The following TMEM130 variants were observed in gnomAD, a reference collection of about 807,000 sequenced individuals.
TMEM130 encodes the protein transmembrane protein 130.
In TMEM130, 37 loss-of-function variants were observed where a neutral mutation model predicts 42.9. That is an observed-to-expected ratio of 0.86 (90% CI 0.66 to 1.13). TMEM130 has a LOEUF of 1.13. TMEM130 is among the 50% of genes most tolerant of loss of function. The probability of loss-of-function intolerance (pLI) is 0.00; values close to 1 mark genes in which losing one functional copy is unlikely to be tolerated. For missense variants in TMEM130, 545 were observed against 562.6 expected, an observed-to-expected ratio of 0.97 and a Z score of 0.32; for synonymous variants, 259 against 237.7, an observed-to-expected ratio of 1.09 and a Z score of -0.82.
intron 1 of TMEM130, among the ~76,000 whole-genome samples, chr7:98,867,773 G>T (rs1356737815): frequency 6.6e-6 from 1 of 152,164 alleles, no homozygotes; most frequent in African/African-American, 2.4e-5. Flanking sequence ...TTCTCAGTCT[G>T]TTTTTTCAAA....
chr7:98,850,288 T>TA (rs782298116), intron 6 of TMEM130, among the ~76,000 whole-genome samples: 3 of 112,490 alleles, frequency 2.7e-5, no homozygotes, highest in Non-Finnish European at 3.9e-5. Flanking sequence ...TTTTTTTTTT[T>TA]AATTTTTTGA....
intron 1 of TMEM130, among the ~76,000 whole-genome samples, chr7:98,864,135 G>A (rs540184746): frequency 5.1e-4 from 77 of 152,060 alleles, no homozygotes; most frequent in African/African-American, 1.8e-3. Context: ...CCTGCCAGCC[G>A]GGCAGGGCCT....
chr7:98,869,796 G>T lies in TMEM130; in HGVS notation c.66C>A (p.Ala22=). The T allele has an allele frequency of 2.8e-6, 4 of 1,430,646 alleles. No individual in the cohort carries two copies. Among genetic ancestry groups the T allele is most frequent in the Non-Finnish European group, 3.7e-6 (4 of 1,092,856 alleles). The allele number at this position is 1,430,646 out of a possible 1,614,324, so 88.6% of individuals were successfully genotyped here. ...ILWLACLLPW[A]PAGVAAGLYE... is the part of the protein sequence containing the mutation. ...CCTTACCTGCGGCCACCCCTGCCGG[G>T]GCCCAGGGCAGGAGGCAGGCAAGCC... is the stretch of plus-strand genomic sequence containing the variant. Residue 22 remains alanine, a synonymous_variant, in exon 1 of 8, where the codon GCC becomes GCA. Transcript: ENST00000339375. The surrounding 1 kb of genome is among the most constrained non-coding windows in gnomAD (Gnocchi z 4.7).
Position 98,869,539 on chromosome 7 carries a change from G to T in TMEM130, c.85+238C>A, listed in dbSNP as rs929962973. Among the ~76,000 whole-genome samples the T allele has an allele frequency of 6.6e-6, 1 of 152,250 alleles. No homozygotes were observed. Among genetic ancestry groups the T allele is most frequent in the Non-Finnish European group, 1.5e-5 (1 of 68,042 alleles). On this transcript the variant is annotated intron_variant, in intron 1 of 7. Coordinates refer to ENST00000339375, the MANE Select transcript of TMEM130 (RefSeq NM_152913.3). This position sits in a 1 kb window ranked among gnomAD's most constrained non-coding sequence, Gnocchi z 4.7. ...AGGGCAGGGCCAGCCTGGGGGGGTG[G>T]AAGCAGGAATCCAGGGGGTGCGGGG... is the stretch of plus-strand genomic sequence containing the variant.
In TMEM130 at chr7:98,847,591, A is replaced by G. The variant is rs1178894936; in HGVS notation, c.*465T>C. 2 of 154,878 alleles carry G rather than the reference A, an allele frequency of 1.3e-5. No individual in the cohort carries two copies. Among genetic ancestry groups the G allele is most frequent in the African/African-American group, 4.8e-5 (2 of 41,418 alleles). The allele number at this position is 154,878 out of a possible 1,614,324, so 9.6% of individuals were successfully genotyped here. A position where few individuals can be genotyped will look rare whatever the true frequency, so the allele number is the denominator to read the frequency against. ...TCTGTGAGTGTGCCCATCTATGTGT[A>G]CAACCTTTAGTTATGGATTTTTAAC... is the stretch of plus-strand genomic sequence containing the variant. On this transcript the variant is annotated 3_prime_UTR_variant, in exon 8 of 8. Coordinates refer to ENST00000339375, the MANE Select transcript of TMEM130 (RefSeq NM_152913.3).
chr7:98,863,525 A>T, intron 1 of TMEM130, 125 bp from the exon 2 acceptor site: 1 of 976,306 alleles, frequency 1.0e-6, no homozygotes, highest in South Asian at 1.8e-5. Flanking sequence ...AGGCAGCTCA[A>T]GTGACTTGCC....
chr7:98,859,312 AAAGAGAAACG>A (rs1794702369), intron 3 of TMEM130, among the ~76,000 whole-genome samples: 1 of 152,058 alleles, frequency 6.6e-6, no homozygotes, highest in Admixed American at 6.6e-5. Context: ...AAGGAGCAAT[AAAGAGAAACG>A]AAGCCAGAGC....
At chr7:98,853,464 C>CA (rs1316524646) in intron 5 of TMEM130, among the ~76,000 whole-genome samples, 2 of 152,124 alleles carry the variant, frequency 1.3e-5, no homozygotes, top group Middle Eastern at 3.2e-3. Context: ...CCTGTCTTTA[C>CA]AAAAAATACA....
intron 6 of TMEM130, 40 bp downstream of exon 6, chr7:98,851,381 G>T: frequency 6.2e-7 from 1 of 1,600,866 alleles, no homozygotes; most frequent in Non-Finnish European, 8.6e-7. Flanking sequence ...GGCTTGTGCT[G>T]CCCATGTGGC....
intron 2 of TMEM130, among the ~76,000 whole-genome samples, chr7:98,860,860 T>G (rs1053178604): frequency 4.1e-5 from 6 of 147,614 alleles, no homozygotes; most frequent in Admixed American, 2.7e-4. Flanking sequence ...GGAGAATCGC[T>G]TGAACCTGGG....
In TMEM130 at chr7:98,848,549, C is replaced by A. The variant is rs201293899; in HGVS notation, c.1119+34G>T. 2.9e-3 allele frequency: 4,116 copies of A among 1,431,160 alleles called. 13 individuals carry two copies. Among genetic ancestry groups the A allele is most frequent in the Non-Finnish European group, 3.5e-3 (3,562 of 1,013,172 alleles). 88.7% of individuals were successfully genotyped at this position (1,431,160 alleles called of 1,614,324 possible). ...CTAAACATCCTCTCTAGGCAAGGCC[C>A]AGTAGTCCAGCCCCCACCCCACTGA... is the stretch of plus-strand genomic sequence containing the variant. On this transcript the variant is annotated intron_variant, in intron 7 of 7. Coordinates refer to ENST00000339375, the MANE Select transcript of TMEM130 (RefSeq NM_152913.3).
intron 2 of TMEM130, among the ~76,000 whole-genome samples, chr7:98,860,942 CAAAAAA>C (rs3066865): frequency 8.6e-5 from 6 of 69,502 alleles, no homozygotes; most frequent in Non-Finnish European, 1.4e-4. Flanking sequence ...GACTCTGTCT[CAAAAAA>C]AAAAAAAAAA....
chr7:98,855,195 G>A, intron 5 of TMEM130, 45 bp downstream of exon 5: 1 of 1,552,080 alleles, frequency 6.4e-7, no homozygotes, highest in South Asian at 1.1e-5. Flanking sequence ...AGGGGGATGT[G>A]CAGAGCCCAC....
At chr7:98,854,156 GC>G (rs1296669000) in intron 5 of TMEM130, among the ~76,000 whole-genome samples, 3 of 151,038 alleles carry the variant, frequency 2.0e-5, no homozygotes, top group African/African-American at 7.3e-5. Flanking sequence ...CCCTGCCTCA[GC>G]CTCCCGAGTA....
At chr7:98,860,102 C>G in intron 3 of TMEM130, 77 bp downstream of exon 3, 1 of 1,270,074 alleles carries the variant, frequency 7.9e-7, no homozygotes, top group East Asian at 2.7e-5. Flanking sequence ...TGAAGAGATT[C>G]GGAGTACCCT....
At chr7:98,850,273 A>ATATATATATTTTTTTT in intron 6 of TMEM130, among the ~76,000 whole-genome samples, 13 of 35,448 alleles carry the variant, frequency 3.7e-4, no homozygotes, top group Non-Finnish European at 5.7e-4. Flanking sequence ...ATATATATAT[A>ATATATATATTTTTTTT]TTTTTTTTTT....
chr7:98,852,377 G>A (rs1279141621), intron 5 of TMEM130, among the ~76,000 whole-genome samples: 3 of 151,878 alleles, frequency 2.0e-5, no homozygotes, highest in Admixed American at 6.6e-5. Flanking sequence ...TGACCCGCCC[G>A]CCTCGGCCTC....
intron 6 of TMEM130, among the ~76,000 whole-genome samples, chr7:98,850,646 T>A (rs1362524216): frequency 6.6e-6 from 1 of 151,984 alleles, no homozygotes; most frequent in Non-Finnish European, 1.5e-5. Context: ...ACTCCTGGGT[T>A]CAATCAGTCC....
At chr7:98,865,767 T>C (rs1794893145) in intron 1 of TMEM130, 1 of 152,298 alleles carries the variant, frequency 6.6e-6, no homozygotes, top group African/African-American at 2.4e-5. Context: ...TGTTGGATAA[T>C]ATTCAACCCC....
Sources: gnomAD v4.1 joint callset for allele counts (sites outside exome capture counted in the v4.1 genomes callset) on GRCh38, gnomAD v4.1.1 for gene constraint, Gnocchi (gnomAD v3.1) non-coding constraint, MANE v1.5 for transcripts, NCBI Gene and HGNC (gene_info 2026-07-23, HGNC 2026-07-21) for gene names.